INVS: variants seen among roughly 807,000 people sequenced by gnomAD.
INVS encodes the protein inversin.
Under a neutral mutation model 108.8 loss-of-function variants are expected in INVS, and 86 were observed. The ratio of observed to expected loss-of-function variants is 0.79; its 90% confidence interval spans 0.66 to 0.95. The LOEUF (loss-of-function observed/expected upper bound fraction) is 0.95. INVS is among the 40% of genes least tolerant of loss of function. The pLI is 0.00. For missense variants in INVS, 1,169 were observed against 1,297.4 expected, an observed-to-expected ratio of 0.90 and a Z score of 1.52; for synonymous variants, 455 against 473.5, an observed-to-expected ratio of 0.96 and a Z score of 0.51.
At chr9:100,105,698 G>T (rs772559543) in intron 2 of INVS, among the ~76,000 whole-genome samples, 5 of 151,964 alleles carry the variant, frequency 3.3e-5, no homozygotes, top group Non-Finnish European at 7.4e-5. Flanking sequence ...CTCACTTACT[G>T]ATGACAAACA....
In INVS at chr9:100,238,553, C is replaced by A. The variant is rs538837614; in HGVS notation, c.616-1507C>A. On this transcript the variant is annotated intron_variant, in intron 5 of 16. Coordinates refer to ENST00000262457, the MANE Select transcript of INVS (RefSeq NM_014425.5). Reference sequence around the variant, plus strand: ...TCTCCTTCATTCCCTTTACTCTTGCCTTTAGGGTCTCCAATTATATATCTT... The same window carrying A: ...TCTCCTTCATTCCCTTTACTCTTGCATTTAGGGTCTCCAATTATATATCTT... 5.9e-5 allele frequency among the ~76,000 whole-genome samples: 9 copies of A among 152,218 alleles called. No homozygotes were observed. The East Asian group carries it at 9.7e-4, about 16-fold the overall frequency.
intron 3 of INVS, among the ~76,000 whole-genome samples, chr9:100,185,516 A>AATATATATATATATAT (rs35603398): frequency 1.1e-3 from 118 of 110,784 alleles, no homozygotes; most frequent in Non-Finnish European, 1.5e-3. Flanking sequence ...TATGCATAGA[A>AATATATATATATATAT]ATATATATAT....
chr9:100,226,330 CAT>C (rs1377278967), intron 4 of INVS, 95 bp downstream of exon 4: 20 of 953,750 alleles, frequency 2.1e-5, no homozygotes, highest in Admixed American at 4.2e-5. Context: ...TGAATTACCA[CAT>C]ATATACATGG....
intron 10 of INVS, among the ~76,000 whole-genome samples, chr9:100,254,298 T>G (rs1238206165): frequency 6.6e-6 from 1 of 152,218 alleles, no homozygotes; most frequent in Non-Finnish European, 1.5e-5. Flanking sequence ...TTTAAGTTCT[T>G]TGTGGATTCT....
At chr9:100,150,097 G>T (rs1381175859) in intron 3 of INVS, among the ~76,000 whole-genome samples, 1 of 152,080 alleles carries the variant, frequency 6.6e-6, no homozygotes, top group Non-Finnish European at 1.5e-5. Context: ...GTACTGAAGG[G>T]TTTCTTTCTC....
Position 100,100,946 on chromosome 9 carries a change from A to G in INVS, c.-25+1530A>G, listed in dbSNP as rs1323106502. Among the ~76,000 whole-genome samples the G allele has an allele frequency of 1.8e-3, 57 of 31,518 alleles. 4 individuals are homozygous for G. The highest frequency in any genetic ancestry group is 7.9e-3 in the African/African-American group (49 of 6,232). 20.7% of individuals were successfully genotyped at this position (31,518 alleles called of 152,430 possible). A position where few individuals can be genotyped will look rare whatever the true frequency, so the allele number is the denominator to read the frequency against. ...TATATATAATATATATAATATATAT[A>G]CATATATATTATATATATAATATAT... is the stretch of plus-strand genomic sequence containing the variant. On this transcript the variant is annotated intron_variant, in intron 1 of 16. Transcript: ENST00000262457.
At chr9:100,115,703 A>G (rs1292309340) in intron 2 of INVS, among the ~76,000 whole-genome samples, 1 of 152,236 alleles carries the variant, frequency 6.6e-6, no homozygotes, top group Non-Finnish European at 1.5e-5. Flanking sequence ...ATTATTGGAC[A>G]TTTGGGTTGG....
chr9:100,176,995 TAA>T (rs112846058), intron 3 of INVS, among the ~76,000 whole-genome samples: 16 of 137,408 alleles, frequency 1.2e-4, no homozygotes, highest in Non-Finnish European at 9.5e-5. Context: ...ATATCACCTT[TAA>T]AAAAAAAAAA....
intron 2 of INVS, among the ~76,000 whole-genome samples, chr9:100,109,230 C>G (rs1238141106): frequency 1.3e-5 from 2 of 152,152 alleles, no homozygotes; most frequent in Non-Finnish European, 2.9e-5. Flanking sequence ...AATTTTTAAG[C>G]CTCAGTTTCC....
chr9:100,119,598 C>T (rs1827659866), intron 2 of INVS, among the ~76,000 whole-genome samples: 1 of 152,198 alleles, frequency 6.6e-6, no homozygotes, highest in Non-Finnish European at 1.5e-5. Flanking sequence ...ACTCTGTCAC[C>T]CAGGCTCGAG....
At chr9:100,193,924 C>T (rs371539067) in intron 3 of INVS, among the ~76,000 whole-genome samples, 25 of 152,132 alleles carry the variant, frequency 1.6e-4, no homozygotes, top group East Asian at 3.8e-4. Context: ...AGTTTACAGG[C>T]GTAAGCAACA....
At position 100,301,655 on chromosome 9, in the gene INVS, T is replaced by C. The variant is rs545780858; in HGVS notation, c.*981T>C. Reference sequence around the variant, plus strand: ...AAGGGGAAAGCTGCTGTGAGAATATTGACAGTAGGCATAAACAGTGATATA... The same window carrying C: ...AAGGGGAAAGCTGCTGTGAGAATATCGACAGTAGGCATAAACAGTGATATA... On this transcript the variant is annotated 3_prime_UTR_variant, in exon 17 of 17. Coordinates refer to ENST00000262457, the MANE Select transcript of INVS (RefSeq NM_014425.5). Among the ~76,000 whole-genome samples the C allele has an allele frequency of 1.2e-3, 190 of 152,308 alleles. 1 individual carries two copies. The highest frequency in any genetic ancestry group is 4.4e-4 in the Non-Finnish European group (30 of 68,012).
intron 5 of INVS, among the ~76,000 whole-genome samples, 164 bp from the exon 6 acceptor site, chr9:100,239,896 G>C (rs1242972869): frequency 6.6e-6 from 1 of 152,114 alleles, no homozygotes; most frequent in Non-Finnish European, 1.5e-5. Flanking sequence ...TTGAGCCCAG[G>C]AGTTTGAGGC....
intron 15 of INVS, 46 bp downstream of exon 15, chr9:100,297,192 G>A (rs1316708615): frequency 4.1e-6 from 6 of 1,451,798 alleles, no homozygotes; most frequent in Non-Finnish European, 4.8e-6. Flanking sequence ...TACCCCCAGA[G>A]TACCACATCA....
In INVS at chr9:100,189,106, CTTTTTTTTTT is replaced by C. The variant is rs60762136; in HGVS notation, c.274-36944_274-36935del. The stretch of plus-strand genomic sequence containing the variant: ...TTCTAATGGAACTTATTTGCATCTT[CTTTTTTTTTT>C]TTTTTTTTTTTGGTTAATATAGCTA... On this transcript the variant is annotated intron_variant, in intron 3 of 16. Transcript: ENST00000262457. Among the ~76,000 whole-genome samples the C allele has an allele frequency of 4.5e-4, 31 of 69,536 alleles. No individual in the cohort carries two copies. The Middle Eastern group carries it at 0.033, about 73-fold the overall frequency. The allele number at this position is 69,536 out of a possible 152,430, so 45.6% of individuals were successfully genotyped here.
At position 100,177,150 on chromosome 9, in the gene INVS, G is replaced by A. The variant is rs12005328; in HGVS notation, c.274-48912G>A. Among the ~76,000 whole-genome samples the A allele has an allele frequency of 4.7e-3, 710 of 152,188 alleles. 7 individuals are homozygous for A. The highest frequency in any genetic ancestry group is 0.016 in the African/African-American group (672 of 41,538). ...CCCACAGATCAGGAGATTCCCTTGGGTGCCTACACCACCAGGGCCCTGGGT... is the reference window on the plus strand; with the variant it reads ...CCCACAGATCAGGAGATTCCCTTGGATGCCTACACCACCAGGGCCCTGGGT... On this transcript the variant is annotated intron_variant, in intron 3 of 16. Transcript: ENST00000262457.
intron 2 of INVS, chr9:100,117,628 C>G: frequency 4.9e-6 from 3 of 615,166 alleles, no homozygotes; most frequent in Non-Finnish European, 8.5e-6. Flanking sequence ...GCCCACCTCC[C>G]GCTGCACCGG....
intron 3 of INVS, among the ~76,000 whole-genome samples, chr9:100,186,501 C>T (rs1830059995): frequency 6.6e-6 from 1 of 152,014 alleles, no homozygotes; most frequent in Admixed American, 6.6e-5. Flanking sequence ...AAAGTGTTCC[C>T]CTTTCACCCC....
intron 5 of INVS, 149 bp from the exon 6 acceptor site, chr9:100,239,911 G>A: frequency 4.2e-6 from 3 of 715,422 alleles, no homozygotes; most frequent in Non-Finnish European, 7.4e-6. Flanking sequence ...TGAGGCTGCA[G>A]TGAGCTGTGA....
Sources: gnomAD v4.1 joint callset for allele counts (sites outside exome capture counted in the v4.1 genomes callset) on GRCh38, gnomAD v4.1.1 for gene constraint, MANE v1.5 for transcripts, NCBI Gene and HGNC (gene_info 2026-07-23, HGNC 2026-07-21) for gene names.